Variants in SULF2 observed in about 807,000 individuals in gnomAD.
SULF2 encodes the protein extracellular sulfatase Sulf-2.
A neutral mutation model predicts 107.7 loss-of-function variants in SULF2; 52 were observed. The observed-to-expected ratio is 0.48, with a 90% CI of 0.39 to 0.61. The LOEUF is 0.61. SULF2 is among the 20% of genes least tolerant of loss of function. The pLI is 0.00. For synonymous variants in SULF2, 460 were observed against 464.3 expected (o/e 0.99, Z 0.12); for missense variants, 993 against 1,177.3 (o/e 0.84, Z 2.29).
intron 1 of SULF2, among the ~76,000 whole-genome samples, chr20:47,774,762 G>C (rs996552281): frequency 6.6e-6 from 1 of 152,088 alleles, no homozygotes; most frequent in African/African-American, 2.4e-5. Flanking sequence ...GCTTCCTTTT[G>C]AGGACTCCCT....
At chr20:47,753,120 G>GAAAAGA (rs1555856189) in intron 2 of SULF2, among the ~76,000 whole-genome samples, 1 of 118,066 alleles carries the variant, frequency 8.5e-6, no homozygotes, top group African/African-American at 3.2e-5. Context: ...AAAAAAAAAA[G>GAAAAGA]AAAGAAAAGA....
intron 1 of SULF2, among the ~76,000 whole-genome samples, chr20:47,778,839 C>CT (rs2090770934): frequency 6.6e-6 from 1 of 152,100 alleles, no homozygotes; most frequent in South Asian, 2.1e-4. Flanking sequence ...TAGGGGGAGG[C>CT]TGGGGGGAGA....
intron 3 of SULF2, among the ~76,000 whole-genome samples, chr20:47,728,439 G>T (rs867882827): frequency 1.3e-5 from 2 of 152,166 alleles, no homozygotes; most frequent in African/African-American, 4.8e-5. Flanking sequence ...GATGGTGGGA[G>T]TGGGGGTGGA....
intron 3 of SULF2, among the ~76,000 whole-genome samples, chr20:47,720,773 G>A (rs1419954536): frequency 6.6e-6 from 1 of 152,096 alleles, no homozygotes; most frequent in Admixed American, 6.5e-5. Flanking sequence ...ACCAGTAGAA[G>A]AGTCCTCCAC....
At chr20:47,665,980 G>T (rs762308623) in intron 12 of SULF2, 27 bp from the exon 13 acceptor site, 27 of 1,609,820 alleles carry the variant, frequency 1.7e-5, no homozygotes, top group Non-Finnish European at 2.2e-5. Flanking sequence ...ATCACGTGTG[G>T]CTCGGAGGTG....
intron 2 of SULF2, among the ~76,000 whole-genome samples, chr20:47,741,391 T>C (rs929345324): frequency 3.3e-5 from 5 of 151,932 alleles, no homozygotes; most frequent in African/African-American, 9.7e-5. Flanking sequence ...CCCGCAGCGG[T>C]GCCCTCACCC....
chr20:47,771,467 C>T (rs1489154997), intron 1 of SULF2, among the ~76,000 whole-genome samples: 1 of 152,196 alleles, frequency 6.6e-6, no homozygotes, highest in African/African-American at 2.4e-5. Flanking sequence ...AAGGAAGCCA[C>T]CTAACAAACC....
Position 47,736,741 on chromosome 20 carries a change from G to A in SULF2, c.377C>T (p.Thr126Ile). The A allele has an allele frequency of 1.2e-6, 2 of 1,614,244 alleles. No homozygotes were observed. The highest frequency in any genetic ancestry group is 1.3e-5 in the African/African-American group (1 of 75,070). ...PSWQAQHESR[T>I]FAVYLNSTGY... ...AGTGCTATTGAGGTACACGGCAAAG[G>A]TGCGGCTCTCGTGCTGTGCCTGCCA... is the stretch of plus-strand genomic sequence containing the variant. The change falls in exon 3 of 21, where the codon ACC becomes ATC. Residue 126 changes from threonine to isoleucine, a missense_variant. Coordinates refer to ENST00000688720, the MANE Select transcript of SULF2 (RefSeq NM_001387048.1).
rs2087497312 is a variant in SULF2, at chr20:47,672,185, T to C, written c.1576+13A>G. The stretch of plus-strand genomic sequence containing the variant: ...TCTCCTCCTGTCCCACTCAGCCAGG[T>C]TGTGACACTTACTCTTCTTGAAGAG... On this transcript the variant is annotated intron_variant, in intron 11 of 20. Coordinates refer to ENST00000688720, the MANE Select transcript of SULF2 (RefSeq NM_001387048.1). The C allele has an allele frequency of 1.9e-6, 3 of 1,595,466 alleles. No individual in the cohort carries two copies. The highest frequency in any genetic ancestry group is 2.6e-6 in the Non-Finnish European group (3 of 1,166,712).
chr20:47,784,352 G>A (rs1445899670), intron 1 of SULF2, among the ~76,000 whole-genome samples: 2 of 152,186 alleles, frequency 1.3e-5, no homozygotes, highest in Admixed American at 6.5e-5. Context: ...GCTGCAGGAA[G>A]ACTTTCCAGA....
chr20:47,659,750 AAAAC>A lies in SULF2; in HGVS notation c.2495-24_2495-21del, dbSNP rs148388253. Reference sequence around the variant, plus strand: ...TAAGTCCTAAATGAAGGAGAAATGAAAAACAAAACAGGAGCAGATAGTTTAGGCA... The same window carrying A: ...TAAGTCCTAAATGAAGGAGAAATGAAAAAACAGGAGCAGATAGTTTAGGCA... On this transcript the variant is annotated intron_variant, in intron 18 of 20. Coordinates refer to ENST00000688720, the MANE Select transcript of SULF2 (RefSeq NM_001387048.1). 2.5e-3 allele frequency: 4,020 copies of A among 1,609,422 alleles called. 89 individuals are homozygous for A. The African/African-American group carries it at 0.047, about 19-fold the overall frequency.
intron 2 of SULF2, among the ~76,000 whole-genome samples, chr20:47,747,309 G>A (rs981269420): frequency 1.3e-5 from 2 of 152,154 alleles, no homozygotes; most frequent in Non-Finnish European, 2.9e-5. Context: ...GGCAGATGTC[G>A]AGGAGGCAGG....
intron 6 of SULF2, 144 bp from the exon 7 acceptor site, chr20:47,683,313 T>A: frequency 3.9e-6 from 3 of 765,746 alleles, no homozygotes; most frequent in South Asian, 4.6e-5. Context: ...GGCTGTCCCC[T>A]TTGTCACTGC....
At chr20:47,729,126 G>A (rs1213642352) in intron 3 of SULF2, among the ~76,000 whole-genome samples, 1 of 152,218 alleles carries the variant, frequency 6.6e-6, no homozygotes, top group African/African-American at 2.4e-5. Flanking sequence ...CGAGGAAAGT[G>A]CAGACGTGTA....
chr20:47,776,418 C>T (rs1277383153), intron 1 of SULF2, among the ~76,000 whole-genome samples: 5 of 152,148 alleles, frequency 3.3e-5, no homozygotes, highest in Non-Finnish European at 7.3e-5. Flanking sequence ...ATCCCCACAT[C>T]GCTGAGTTAT....
rs956307807 is a variant in SULF2 at position 47,657,620 on chromosome 20, G to A, written c.*742C>T. 7 of 152,074 alleles carry A rather than the reference G, an allele frequency of 4.6e-5. No homozygotes were observed. Among genetic ancestry groups the A allele is most frequent in the African/African-American group, 1.7e-4 (7 of 41,418 alleles). 9.4% of individuals were successfully genotyped at this position (152,074 alleles called of 1,614,324 possible). On this transcript the variant is annotated 3_prime_UTR_variant, in exon 21 of 21. Transcript: ENST00000688720. ...CTGGGACATAACAAAGAAATACTAG[G>A]AGAAATGGTATCTGGACAGGAACAG...
intron 2 of SULF2, among the ~76,000 whole-genome samples, chr20:47,741,715 C>A (rs576644075): frequency 2.0e-5 from 3 of 152,310 alleles, no homozygotes; most frequent in Non-Finnish European, 2.9e-5. Flanking sequence ...AAGGACGAAG[C>A]AGCTGGTAGT....
Position 47,659,438 on chromosome 20 carries a change from C to T in SULF2, c.2543G>A (p.Arg848Gln), listed in dbSNP as rs769108374. Residue 848 changes from arginine to glutamine, a missense_variant, in exon 20 of 21, where the codon CGA becomes CAA. Coordinates refer to ENST00000688720, the MANE Select transcript of SULF2 (RefSeq NM_001387048.1). ...AGGTCTCTTCATTTCTGGCCACTTT[C>T]GACGCTGAAACTGCCTAAGTTTTCA... The part of the protein sequence containing the change: ...SYEQYRQFQR[R>Q]KWPEMKRPSS... 15 of 1,614,096 alleles carry T rather than the reference C, an allele frequency of 9.3e-6. No homozygotes were observed. Among genetic ancestry groups the T allele is most frequent in the East Asian group, 4.5e-5 (2 of 44,878 alleles).
At chr20:47,745,451 A>G in intron 2 of SULF2, among the ~76,000 whole-genome samples, 1 of 8,924 alleles carries the variant, frequency 1.1e-4, no homozygotes, top group Non-Finnish European at 1.7e-4. Context: ...ATATATATAT[A>G]TATATACACA....
Sources: gnomAD v4.1 joint callset for allele counts (sites outside exome capture counted in the v4.1 genomes callset) on GRCh38, gnomAD v4.1.1 for gene constraint, MANE v1.5 for transcripts, NCBI Gene and HGNC (gene_info 2026-07-23, HGNC 2026-07-21) for gene names.